IPP: variants seen among roughly 807,000 people sequenced by gnomAD.
IPP encodes the protein actin-binding protein IPP.
IPP carries 41 observed loss-of-function variants against 64.1 expected under a neutral mutation model. The ratio of observed to expected loss-of-function variants is 0.64; its 90% confidence interval spans 0.50 to 0.83. The LOEUF is 0.83. Among genes scored for constraint, IPP ranks in the 40% least tolerant of loss-of-function variants. The pLI is 0.00. For synonymous variants in IPP, 214 were observed against 235.2 expected, an observed-to-expected ratio of 0.91 and a Z score of 0.83; for missense variants, 649 against 703.0, an observed-to-expected ratio of 0.92 and a Z score of 0.87.
chr1:45,730,253 C>G (rs536316518), intron 3 of IPP, among the ~76,000 whole-genome samples: 2 of 151,748 alleles, frequency 1.3e-5, no homozygotes, highest in Non-Finnish European at 2.9e-5. Flanking sequence ...TCAGGAGGTT[C>G]ATGTGGGAGT....
chr1:45,723,164 A>T (rs1557748584), intron 5 of IPP, among the ~76,000 whole-genome samples: 2 of 152,244 alleles, frequency 1.3e-5, no homozygotes. Context: ...ATATGAACCC[A>T]GATATGTATG....
intron 2 of IPP, among the ~76,000 whole-genome samples, chr1:45,745,364 T>C (rs1399083577): frequency 6.6e-6 from 1 of 152,172 alleles, no homozygotes; most frequent in African/African-American, 2.4e-5. Context: ...ATAAGTTTTT[T>C]TGGGTTGTGT....
intron 5 of IPP, among the ~76,000 whole-genome samples, chr1:45,723,173 T>C (rs1324099583): frequency 6.6e-6 from 1 of 152,214 alleles, no homozygotes; most frequent in Non-Finnish European, 1.5e-5. Flanking sequence ...CAGATATGTA[T>C]GTATCGGGAA....
rs1010166957 is a variant in IPP, at chr1:45,749,732, G to A, written c.-51+865C>T. 4.0e-5 allele frequency among the ~76,000 whole-genome samples: 6 copies of A among 151,792 alleles called. No homozygotes were observed. In the East Asian group the frequency reaches 7.7e-4, roughly 20 times the overall value. Reference sequence around the variant, plus strand: ...AGACGGGGTTTCACCGTGTTAGCCAGGATGGTCTCGATCTCCTGACCTCGT... The same window carrying A: ...AGACGGGGTTTCACCGTGTTAGCCAAGATGGTCTCGATCTCCTGACCTCGT... On this transcript the variant is annotated intron_variant, in intron 1 of 8. Coordinates refer to ENST00000396478, the MANE Select transcript of IPP (RefSeq NM_005897.3).
intron 3 of IPP, among the ~76,000 whole-genome samples, chr1:45,731,765 T>A (rs762536667): frequency 2.0e-5 from 3 of 151,682 alleles, no homozygotes; most frequent in Non-Finnish European, 4.4e-5. Context: ...TGAAACCCTA[T>A]CTCTACTAAA....
intron 1 of IPP, among the ~76,000 whole-genome samples, chr1:45,749,344 A>G (rs755483463): frequency 6.6e-6 from 1 of 152,186 alleles, no homozygotes; most frequent in African/African-American, 2.4e-5. Flanking sequence ...TGGAGTGACC[A>G]TATTTCCAAA....
rs368054181 is a variant in IPP at position 45,741,894 on chromosome 1, C to T, written c.293-562G>A. On this transcript the variant is annotated intron_variant, in intron 2 of 8. Transcript: ENST00000396478. The stretch of plus-strand genomic sequence containing the variant: ...CCGCCCGCCTCGGCCTCCCAAAGTG[C>T]TGGGATTACAGGCGTGAGCCACCGC... Among the ~76,000 whole-genome samples, 15 of 78,060 alleles carry T rather than the reference C, an allele frequency of 1.9e-4. 1 individual carries two copies. The highest frequency in any genetic ancestry group is 6.2e-4 in the African/African-American group (15 of 24,190). The allele number at this position is 78,060 out of a possible 152,430, so 51.2% of individuals were successfully genotyped here.
chr1:45,748,982 G>A (rs1249944359), intron 1 of IPP, among the ~76,000 whole-genome samples: 2 of 144,302 alleles, frequency 1.4e-5, no homozygotes, highest in East Asian at 2.1e-4. Flanking sequence ...AAAAAAAAAA[G>A]GAAAAAAAGG....
chr1:45,741,318 C>T lies in IPP; in HGVS notation c.307G>A (p.Gly103Ser), dbSNP rs773228307. ...ATCAACTCCTGGACATTATTCACAC[C>T]TATGTTCACTATACCTAGAGAAGTA... Reference protein sequence around the residue: ...DFIYTGIVNIGVNNVQELIIA... With the variant: ...DFIYTGIVNISVNNVQELIIA... Residue 103 changes from glycine to serine, a missense_variant, in exon 3 of 9, where the codon GGT becomes AGT. By Grantham distance (56) the Gly-to-Ser change is moderately conservative (BLOSUM62 0). Transcript: ENST00000396478. 2.5e-6 allele frequency: 4 copies of T among 1,606,396 alleles called. No individual in the cohort carries two copies. In the South Asian group the frequency reaches 4.4e-5, roughly 18 times the overall value.
At chr1:45,723,931 GC>G (rs1645766212) in intron 5 of IPP, among the ~76,000 whole-genome samples, 1 of 151,920 alleles carries the variant, frequency 6.6e-6, no homozygotes, top group South Asian at 2.1e-4. Context: ...GGAGGCTGAG[GC>G]AGGAGAATCA....
chr1:45,745,585 G>A (rs996381205), intron 2 of IPP, among the ~76,000 whole-genome samples: 1 of 151,960 alleles, frequency 6.6e-6, no homozygotes, highest in East Asian at 1.9e-4. Flanking sequence ...CAGGCCAGGC[G>A]CAGTGGCTCA....
intron 5 of IPP, among the ~76,000 whole-genome samples, chr1:45,726,439 C>T (rs1484682498): frequency 6.6e-6 from 1 of 152,058 alleles, no homozygotes; most frequent in Non-Finnish European, 1.5e-5. Context: ...GCACTCCAGC[C>T]TGGACAACAA....
At chr1:45,738,856 A>AAAAACAAAAAC (rs1156395145) in intron 3 of IPP, among the ~76,000 whole-genome samples, 1 of 150,560 alleles carries the variant, frequency 6.6e-6, no homozygotes, top group East Asian at 1.9e-4. Flanking sequence ...AAAAAAAAAA[A>AAAAACAAAAAC]AAAAAAAAAC....
rs372270104 is a variant in IPP, at chr1:45,699,940, C to G, written c.*26G>C. Reference sequence around the variant, plus strand: ...TCAGGTCCTGCATTTTCAAAATGTTCCTTGTGCTCTGTTATGCTTTATATT... The same window carrying G: ...TCAGGTCCTGCATTTTCAAAATGTTGCTTGTGCTCTGTTATGCTTTATATT... On this transcript the variant is annotated 3_prime_UTR_variant, in exon 9 of 9. Transcript: ENST00000396478. 2.5e-6 allele frequency: 4 copies of G among 1,608,492 alleles called. No individual in the cohort carries two copies. The highest frequency in any genetic ancestry group is 3.4e-6 in the Non-Finnish European group (4 of 1,175,976).
At chr1:45,696,255 A>C (rs1041462112), downstream of IPP, among the ~76,000 whole-genome samples, 1 of 152,246 alleles carries the variant, frequency 6.6e-6, no homozygotes. Flanking sequence ...GTACATTGGC[A>C]GGATACTTAG....
intron 2 of IPP, among the ~76,000 whole-genome samples, chr1:45,742,738 G>T (rs984792458): frequency 6.6e-6 from 1 of 151,530 alleles, no homozygotes; most frequent in African/African-American, 2.4e-5. Context: ...GGGTTTTGCC[G>T]CATTGCCCAG....
intron 5 of IPP, among the ~76,000 whole-genome samples, chr1:45,727,084 C>G (rs185444400): frequency 5.9e-5 from 9 of 151,412 alleles, no homozygotes; most frequent in Admixed American, 5.9e-4. Context: ...GGGTCTTGCT[C>G]TGTCACCCAG....
At position 45,699,755 on chromosome 1, in the gene IPP, TG is replaced by T; in HGVS notation, c.*210del. ...GTAGCTTACTACAACCTCAAATTCC[TG>T]GGCTCAAGTGATCCTTCTGCCTCAG... On this transcript the variant is annotated 3_prime_UTR_variant, in exon 9 of 9. Transcript: ENST00000396478. The T allele has an allele frequency of 7.6e-7, 1 of 1,316,890 alleles. No homozygotes were observed. Among genetic ancestry groups the T allele is most frequent in the East Asian group, 2.6e-5 (1 of 37,826 alleles). The allele number at this position is 1,316,890 out of a possible 1,614,324, so 81.6% of individuals were successfully genotyped here.
At chr1:45,729,208 A>G (rs1273052125) in intron 4 of IPP, among the ~76,000 whole-genome samples, 1 of 151,138 alleles carries the variant, frequency 6.6e-6, no homozygotes, top group African/African-American at 2.4e-5. Context: ...ATCATCTTTT[A>G]TAACCACACT....
Sources: gnomAD v4.1 joint callset for allele counts (sites outside exome capture counted in the v4.1 genomes callset) on GRCh38, gnomAD v4.1.1 for gene constraint, MANE v1.5 for transcripts, NCBI Gene and HGNC (gene_info 2026-07-23, HGNC 2026-07-21) for gene names.